Variants in PLCG2 observed in about 807,000 individuals in gnomAD.
PLCG2 encodes the protein phospholipase C gamma 2.
A neutral mutation model predicts 175.6 loss-of-function variants in PLCG2; 69 were observed. The observed-to-expected ratio is 0.39, with a 90% confidence interval of 0.32 to 0.48. The LOEUF is 0.48. Among genes scored for constraint, PLCG2 ranks in the 20% least tolerant of loss-of-function variants. PLCG2 has a pLI of 0.91. For synonymous variants in PLCG2, 827 were observed against 624.0 expected (o/e 1.33, Z -4.85); for missense variants, 1,798 against 1,650.9 (o/e 1.09, Z -1.54).
intron 2 of PLCG2, among the ~76,000 whole-genome samples, chr16:81,764,774 T>C (rs1201001828): frequency 1.3e-5 from 2 of 152,164 alleles, no homozygotes; most frequent in Admixed American, 1.3e-4. Context: ...TAATATGTGG[T>C]CATACTGCAT....
At chr16:81,833,471 C>G (rs1397691119) in intron 2 of PLCG2, among the ~76,000 whole-genome samples, 5 of 150,526 alleles carry the variant, frequency 3.3e-5, no homozygotes, top group Admixed American at 2.6e-4. Flanking sequence ...CTGTTAATCA[C>G]TGACAAGGTA....
chr16:81,900,807 C>G, intron 14 of PLCG2, 27 bp downstream of exon 14: 1 of 1,583,518 alleles, frequency 6.3e-7, no homozygotes, highest in South Asian at 1.1e-5. Context: ...CTGCTGTTGG[C>G]TGTCCAGGGA....
chr16:81,907,916 G>C, intron 16 of PLCG2, 142 bp downstream of exon 16: 1 of 615,448 alleles, frequency 1.6e-6, no homozygotes, highest in Non-Finnish European at 2.9e-6. Flanking sequence ...GATACTCTGG[G>C]TACCATGTCC....
chr16:81,958,203 A>G lies in PLCG2; in HGVS notation c.*205A>G. 1 of 583,270 alleles carries G rather than the reference A, an allele frequency of 1.7e-6. No homozygotes were observed. Among genetic ancestry groups the G allele is most frequent in the Non-Finnish European group, 3.1e-6 (1 of 319,394 alleles). 36.1% of individuals were successfully genotyped at this position (583,270 alleles called of 1,614,324 possible). On this transcript the variant is annotated 3_prime_UTR_variant, in exon 33 of 33. Coordinates refer to ENST00000564138, the MANE Select transcript of PLCG2 (RefSeq NM_002661.5). ...TCATCTTGGACAACTTTCTTAACTT[A>G]TATTCTTTATAGAGGATTCCCCAAA... is the stretch of plus-strand genomic sequence containing the variant.
At chr16:81,917,872 C>T (rs1024599769) in intron 19 of PLCG2, among the ~76,000 whole-genome samples, 1 of 152,190 alleles carries the variant, frequency 6.6e-6, no homozygotes. Context: ...CAGGTGCCCG[C>T]CACTGCGCCC....
At chr16:81,829,538 C>T (rs544838690) in intron 2 of PLCG2, among the ~76,000 whole-genome samples, 70 of 152,322 alleles carry the variant, frequency 4.6e-4, no homozygotes, top group African/African-American at 1.1e-3. Context: ...TTTTATATTG[C>T]CATGATACCT....
chr16:81,864,030 G>C (rs557234001), intron 5 of PLCG2, among the ~76,000 whole-genome samples: 1 of 152,194 alleles, frequency 6.6e-6, no homozygotes, highest in Non-Finnish European at 1.5e-5. Context: ...GGCCTCTGGC[G>C]TTGCAAATTT....
At chr16:81,925,256 G>C (rs1167744131) in intron 22 of PLCG2, among the ~76,000 whole-genome samples, 1 of 152,226 alleles carries the variant, frequency 6.6e-6, no homozygotes, top group Non-Finnish European at 1.5e-5. Context: ...TACCTAGGGG[G>C]CCGCCTGGGT....
exon 1 of PLCG2, chr16:81,739,146 AG>A (rs1567689700): frequency 1.3e-5 from 2 of 152,204 alleles, no homozygotes; most frequent in Non-Finnish European, 2.9e-5. Context: ...GGGTGGGGGC[AG>A]GGGGGATTTT....
At chr16:81,916,011 C>G (rs751307232) in intron 19 of PLCG2, among the ~76,000 whole-genome samples, 18 of 152,120 alleles carry the variant, frequency 1.2e-4, no homozygotes, top group Non-Finnish European at 2.1e-4. Context: ...CATATTTATA[C>G]ATGTCTGTAT....
chr16:81,830,941 T>C (rs1000755490), intron 2 of PLCG2, among the ~76,000 whole-genome samples: 11 of 151,996 alleles, frequency 7.2e-5, no homozygotes, highest in Non-Finnish European at 5.9e-5. Flanking sequence ...TCAGAGAGCA[T>C]ACGCAGTGTG....
intron 2 of PLCG2, among the ~76,000 whole-genome samples, chr16:81,786,502 C>G (rs73587667): frequency 0.03 from 4,536 of 152,280 alleles, 219 homozygotes; most frequent in African/African-American, 0.1. Flanking sequence ...GTTCCCACAA[C>G]TGGTCGAGTC....
intron 2 of PLCG2, among the ~76,000 whole-genome samples, chr16:81,787,206 A>AGC (rs1486546004): frequency 7.6e-4 from 101 of 132,752 alleles, no homozygotes; most frequent in African/African-American, 2.6e-3. Flanking sequence ...CTATCATTGT[A>AGC]CTCTTTTTTT....
At chr16:81,774,615 G>C (rs563385342), upstream of PLCG2, among the ~76,000 whole-genome samples, 1 of 152,154 alleles carries the variant, frequency 6.6e-6, no homozygotes, top group African/African-American at 2.4e-5. Context: ...TTTTGGCTGT[G>C]GGGGTAGAGG....
intron 10 of PLCG2, among the ~76,000 whole-genome samples, chr16:81,891,082 C>T (rs1908608516): frequency 6.6e-6 from 1 of 152,078 alleles, no homozygotes; most frequent in Admixed American, 6.6e-5. Flanking sequence ...AGAATCGCTT[C>T]AACCCAGGAG....
chr16:81,883,745 T>A (rs1908210146), intron 9 of PLCG2, among the ~76,000 whole-genome samples: 1 of 152,180 alleles, frequency 6.6e-6, no homozygotes, highest in Non-Finnish European at 1.5e-5. Context: ...GGGATCAGAT[T>A]CATCAAGCCT....
chr16:81,802,358 C>G (rs540352589), intron 2 of PLCG2, among the ~76,000 whole-genome samples: 3 of 151,340 alleles, frequency 2.0e-5, no homozygotes, highest in African/African-American at 7.3e-5. Context: ...GTGATCCACC[C>G]GCCTCGGCCT....
At chr16:81,839,380 T>C (rs1905700740) in intron 2 of PLCG2, among the ~76,000 whole-genome samples, 1 of 152,128 alleles carries the variant, frequency 6.6e-6, no homozygotes, top group South Asian at 2.1e-4. Context: ...TATATAGTCT[T>C]TGTATAATGA....
intron 2 of PLCG2, among the ~76,000 whole-genome samples, chr16:81,829,595 C>A (rs746750585): frequency 6.6e-6 from 1 of 152,240 alleles, no homozygotes; most frequent in Non-Finnish European, 1.5e-5. Context: ...ATCAAAGTTC[C>A]AGAATTTATT....
Sources: gnomAD v4.1 joint callset for allele counts (sites outside exome capture counted in the v4.1 genomes callset) on GRCh38, gnomAD v4.1.1 for gene constraint, MANE v1.5 for transcripts, NCBI Gene and HGNC (gene_info 2026-07-23, HGNC 2026-07-21) for gene names.